The following JUP variants were observed in gnomAD, a reference collection of about 807,000 sequenced individuals.
JUP encodes the protein junction plakoglobin.
Under a neutral mutation model 71.1 loss-of-function variants are expected in JUP, and 28 were observed. That is an observed-to-expected ratio of 0.39 (90% confidence interval 0.29 to 0.54). The LOEUF (loss-of-function observed/expected upper bound fraction) is 0.54. JUP is among the 20% of genes least tolerant of loss of function. JUP has a pLI of 0.62. For synonymous variants in JUP, 401 were observed against 438.9 expected (o/e 0.91, Z 1.08); for missense variants, 869 against 1,030.1 (o/e 0.84, Z 2.14).
chr17:41,785,200 C>T (rs1393077297), intron 1 of JUP: 2 of 152,156 alleles, frequency 1.3e-5, no homozygotes, highest in African/African-American at 4.8e-5. Flanking sequence ...GTCCCACAGC[C>T]TCATGCGCTT....
At chr17:41,775,974 G>A (rs1384415316) in intron 1 of JUP, 2 of 985,282 alleles carry the variant, frequency 2.0e-6, no homozygotes, top group East Asian at 1.1e-4. Flanking sequence ...AGCCCCACCA[G>A]AGCTACACCA....
chr17:41,783,270 C>T (rs572125532), intron 1 of JUP, among the ~76,000 whole-genome samples: 10 of 146,658 alleles, frequency 6.8e-5, no homozygotes, highest in Admixed American at 2.1e-4. Flanking sequence ...CTGTAGAATG[C>T]GAATAATGAT....
chr17:41,782,146 G>A (rs1555610452), intron 1 of JUP, among the ~76,000 whole-genome samples: 1 of 152,076 alleles, frequency 6.6e-6, no homozygotes, highest in Non-Finnish European at 1.5e-5. Flanking sequence ...GCCCATTCTG[G>A]TGTCAGATGT....
chr17:41,764,284 C>T (rs1555602951), intron 7 of JUP, among the ~76,000 whole-genome samples: 1 of 152,166 alleles, frequency 6.6e-6, no homozygotes, highest in Non-Finnish European at 1.5e-5. Flanking sequence ...CCTGTAATCC[C>T]AGCACTTTGG....
chr17:41,756,013 C>T (rs1913659614), intron 13 of JUP, 118 bp from the exon 14 acceptor site: 3 of 1,286,152 alleles, frequency 2.3e-6, no homozygotes, highest in African/African-American at 3.0e-5. Context: ...CCTGACCCCT[C>T]CCCAGACCCC....
At chr17:41,774,242 G>T (rs1325839317) in intron 1 of JUP, among the ~76,000 whole-genome samples, 6 of 152,094 alleles carry the variant, frequency 3.9e-5, no homozygotes, top group Non-Finnish European at 1.5e-5. Context: ...GGGGGGGTGG[G>T]GGGGTGGACG....
At chr17:41,767,332 G>A (rs782379816) in intron 5 of JUP, 47 bp downstream of exon 5, 2 of 1,530,762 alleles carry the variant, frequency 1.3e-6, no homozygotes, top group African/African-American at 2.7e-5. Flanking sequence ...GATAGAAGAT[G>A]GCGCAAGGGT....
intron 1 of JUP, among the ~76,000 whole-genome samples, chr17:41,778,889 T>A (rs1260700993): frequency 1.4e-5 from 2 of 142,118 alleles, no homozygotes. Context: ...CCAGCCTGGG[T>A]GACAGAGCGA....
chr17:41,768,030 A>C (rs1405421201), intron 4 of JUP, among the ~76,000 whole-genome samples: 2 of 152,204 alleles, frequency 1.3e-5, no homozygotes, highest in African/African-American at 4.8e-5. Context: ...GGGGAGGCTG[A>C]GGCAGGTGGA....
At chr17:41,766,251 CA>C (rs1488380002) in intron 5 of JUP, among the ~76,000 whole-genome samples, 3 of 140,158 alleles carry the variant, frequency 2.1e-5, no homozygotes, top group Non-Finnish European at 4.6e-5. Context: ...GACCCTGTCT[CA>C]AAAAAGAAAG....
chr17:41,767,462 G>A lies in JUP; in HGVS notation c.826C>T (p.Leu276=), dbSNP rs1555604533. The change falls in exon 5 of 14, where the codon CTG becomes TTG. Residue 276 remains leucine (L), a synonymous_variant. Coordinates refer to ENST00000393931, the MANE Select transcript of JUP (RefSeq NM_002230.4). ...AACTTGGGGTTGTTCTTGTTGAGCA[G>A]GGGCACCATCTTTTGCAGCCCGTCG... ...LADGLQKMVP[L]LNKNNPKFLA... The A allele has an allele frequency of 6.2e-7, 1 of 1,614,138 alleles. No homozygotes were observed. Among genetic ancestry groups the A allele is most frequent in the Non-Finnish European group, 8.5e-7 (1 of 1,180,036 alleles).
intron 1 of JUP, chr17:41,775,808 C>T (rs895598152): frequency 2.1e-5 from 4 of 186,098 alleles, no homozygotes; most frequent in Non-Finnish European, 4.0e-5. Context: ...GGACCCACAC[C>T]AGGTAAGTGT....
intron 8 of JUP, among the ~76,000 whole-genome samples, chr17:41,762,147 G>A (rs1394659675): frequency 5.3e-5 from 6 of 113,710 alleles, no homozygotes; most frequent in Admixed American, 4.6e-4. Flanking sequence ...GAGAGAGAGA[G>A]AGAGAGAGAG....
chr17:41,767,633 A>G (rs1222226806), intron 4 of JUP, 53 bp from the exon 5 acceptor site: 21 of 1,477,812 alleles, frequency 1.4e-5, no homozygotes, highest in East Asian at 2.3e-5. Flanking sequence ...CCTGGCATAC[A>G]TGTGAGCCTG....
In JUP at chr17:41,755,566, A is replaced by C; in HGVS notation, c.*178T>G. ...AGGAATAGGCCTCCCCATCCCCACCAAAGACACAAGAAGAAGGCAGGCCAG... is the reference window on the plus strand; with the variant it reads ...AGGAATAGGCCTCCCCATCCCCACCCAAGACACAAGAAGAAGGCAGGCCAG... On this transcript the variant is annotated 3_prime_UTR_variant, in exon 14 of 14. Transcript: ENST00000393931. 1.8e-6 allele frequency: 1 copy of C among 564,528 alleles called. No homozygotes were observed. Among genetic ancestry groups the C allele is most frequent in the Non-Finnish European group, 2.9e-6 (1 of 346,550 alleles). The allele number at this position is 564,528 out of a possible 1,614,324, so 35.0% of individuals were successfully genotyped here.
intron 8 of JUP, 108 bp from the exon 9 acceptor site, chr17:41,758,978 G>A: frequency 8.8e-7 from 1 of 1,142,434 alleles, no homozygotes; most frequent in African/African-American, 1.6e-5. Context: ...TGTCCCCGAG[G>A]CCAGACACAG....
At chr17:41,768,459 G>T (rs1193963202) in intron 4 of JUP, among the ~76,000 whole-genome samples, 4 of 151,936 alleles carry the variant, frequency 2.6e-5, no homozygotes, top group African/African-American at 4.8e-5. Context: ...CTACTCAGGA[G>T]ACTGAGGCAG....
At chr17:41,785,741 C>T (rs782035531) in intron 1 of JUP, among the ~76,000 whole-genome samples, 46 of 152,210 alleles carry the variant, frequency 3.0e-4, no homozygotes, top group Admixed American at 1.2e-3. Flanking sequence ...TGTTCCCCTA[C>T]CAACACTCTG....
At position 41,766,871 on chromosome 17, in the gene JUP, A is replaced by G. The variant is rs797037421; in HGVS notation, c.909+508T>C. 9.1e-3 allele frequency among the ~76,000 whole-genome samples: 1,367 copies of G among 149,580 alleles called. 17 individuals carry two copies. Among genetic ancestry groups the G allele is most frequent in the African/African-American group, 0.033 (1,321 of 39,514 alleles). On this transcript the variant is annotated intron_variant, in intron 5 of 13. Transcript: ENST00000393931. The stretch of plus-strand genomic sequence containing the variant: ...CTCCATCTCAAACAAAAAAAAAAAA[A>G]GAAAGAAAAGAAAAGGAAAAAAAAA...
Sources: allele counts gnomAD v4.1 joint callset (sites outside exome capture counted in the v4.1 genomes callset), GRCh38; gene constraint gnomAD v4.1.1; transcripts MANE v1.5; gene names NCBI Gene and HGNC (gene_info 2026-07-23, HGNC 2026-07-21).